Variants in LUZP1 observed in about 807,000 individuals in gnomAD.
LUZP1 encodes the protein leucine zipper protein 1, also known as filamin mechanobinding actin cross-linking protein.
Under a neutral mutation model 71.3 loss-of-function variants are expected in LUZP1, and 25 were observed. The observed-to-expected ratio is 0.35, with a 90% CI of 0.26 to 0.49. LUZP1 has a LOEUF of 0.49. Ranked by LOEUF, LUZP1 falls within the 20% of genes least tolerant of loss-of-function variation. LUZP1 has a pLI of 0.99. For synonymous variants in LUZP1, 481 were observed against 506.4 expected (o/e 0.95, Z 0.67); for missense variants, 1,142 against 1,300.8 (o/e 0.88, Z 1.88).
chr1:23,123,713 G>A (rs1185603232), intron 2 of LUZP1, among the ~76,000 whole-genome samples: 1 of 152,044 alleles, frequency 6.6e-6, no homozygotes, highest in Non-Finnish European at 1.5e-5. Flanking sequence ...CTGCTCTCAG[G>A]CCCTGAGGTA....
rs1643883018 is a variant in LUZP1, at chr1:23,094,560, T to C, written c.-119-180A>G. ...AAACACTGGTTCTTTATGGCCGATATTGAGTTGATACCTCATTTCGCCCTA... is the reference window on the plus strand; with the variant it reads ...AAACACTGGTTCTTTATGGCCGATACTGAGTTGATACCTCATTTCGCCCTA... On this transcript the variant is annotated intron_variant, in intron 3 of 4. Coordinates refer to ENST00000302291, the Ensembl canonical transcript of LUZP1. The surrounding 1 kb of genome is among the most constrained non-coding windows in gnomAD (Gnocchi z 4.7). 1.3e-5 allele frequency among the ~76,000 whole-genome samples: 2 copies of C among 152,218 alleles called. No individual in the cohort carries two copies. The highest frequency in any genetic ancestry group is 2.4e-5 in the African/African-American group (1 of 41,442).
At chr1:23,109,969 G>A (rs1042829419) in intron 2 of LUZP1, among the ~76,000 whole-genome samples, 3 of 152,116 alleles carry the variant, frequency 2.0e-5, no homozygotes, top group African/African-American at 7.2e-5. Flanking sequence ...AAACATCTGC[G>A]GAGTATTTAC....
Position 23,093,895 on chromosome 1 carries a change from G to A in LUZP1, c.367C>T (p.Leu123=). The change falls in exon 4 of 5, where the codon CTA becomes TTA. Residue 123 remains leucine, a synonymous_variant. Transcript: ENST00000302291. This position sits in a 1 kb window ranked among gnomAD's most constrained non-coding sequence, Gnocchi z 4.2. ...TTACTCCTGCTGAAGGCCTCTTCTA[G>A]CTTCTCTAATTCAGCCATTCGTTTC... 6.2e-7 allele frequency: 1 copy of A among 1,614,108 alleles called. No individual in the cohort carries two copies. The highest frequency in any genetic ancestry group is 8.5e-7 in the Non-Finnish European group (1 of 1,180,026).
At chr1:23,108,012 T>C (rs1313579456) in intron 3 of LUZP1, among the ~76,000 whole-genome samples, 1 of 152,164 alleles carries the variant, frequency 6.6e-6, no homozygotes, top group Non-Finnish European at 1.5e-5. Context: ...ACCCTATTGC[T>C]CTACTTTCCT....
In LUZP1 at chr1:23,161,510, A is replaced by G. The variant is rs1400553115; in HGVS notation, c.-226+7256T>C. On this transcript the variant is annotated intron_variant, in intron 2 of 4. Transcript: ENST00000302291. The stretch of plus-strand genomic sequence containing the variant: ...GCCAGTGGCTCATGCCTGTAATCTC[A>G]GCTACTCTGGAGGCCAAAGGACAGC... Among the ~76,000 whole-genome samples the G allele has an allele frequency of 2.0e-5, 3 of 152,226 alleles. No individual in the cohort carries two copies. In the East Asian group the frequency reaches 5.8e-4, roughly 29 times the overall value.
At chr1:23,100,271 T>C (rs528850995) in intron 3 of LUZP1, among the ~76,000 whole-genome samples, 3 of 152,346 alleles carry the variant, frequency 2.0e-5, no homozygotes, top group Admixed American at 2.0e-4. Flanking sequence ...CCTTTGGCAA[T>C]GACCATTAAC....
At chr1:23,147,080 G>A (rs1044344017) in intron 2 of LUZP1, among the ~76,000 whole-genome samples, 40 of 149,136 alleles carry the variant, frequency 2.7e-4, no homozygotes, top group Admixed American at 1.3e-3. Flanking sequence ...CTGGGTGACA[G>A]AGTGAGACTC....
exon 4 of LUZP1, chr1:23,091,410 G>A: frequency 1.9e-6 from 3 of 1,614,154 alleles, no homozygotes; most frequent in Non-Finnish European, 2.5e-6. Context: ...CTGGGTGTAG[G>A]CATTGCTATT....
exon 4 of LUZP1, chr1:23,091,361 C>A: frequency 6.2e-7 from 1 of 1,614,114 alleles, no homozygotes; most frequent in East Asian, 2.2e-5. Flanking sequence ...AAAGGCAGGA[C>A]CTGGGCTGTT....
intron 2 of LUZP1, among the ~76,000 whole-genome samples, chr1:23,142,692 TATATATATACACACACAC>T (rs1189259035): frequency 1.2e-4 from 10 of 80,104 alleles, no homozygotes; most frequent in Admixed American, 2.7e-4. Flanking sequence ...ATAAAATATA[TATATATATACACACACAC>T]ACACACACAC....
chr1:23,159,122 C>T (rs1261324104), intron 2 of LUZP1, among the ~76,000 whole-genome samples: 1 of 151,952 alleles, frequency 6.6e-6, no homozygotes, highest in African/African-American at 2.4e-5. Context: ...GGGCGGATCA[C>T]GAGGTCAGGA....
At chr1:23,123,297 G>T (rs927343560) in intron 2 of LUZP1, among the ~76,000 whole-genome samples, 2 of 152,042 alleles carry the variant, frequency 1.3e-5, no homozygotes, top group Admixed American at 6.6e-5. Context: ...TTCGAGATCA[G>T]CCTGACCAAC....
rs553106496 is a variant in LUZP1 at position 23,173,522 on chromosome 1, T to C, written c.-485+3969A>G. ...GTGCCTGCCAACAAGCCCAGCTAAT[T>C]TTTTTTGTATTTTTGGTAGAGATGG... is the stretch of plus-strand genomic sequence containing the variant. On this transcript the variant is annotated intron_variant, in intron 1 of 4. Coordinates refer to ENST00000302291, the Ensembl canonical transcript of LUZP1. Among the ~76,000 whole-genome samples, 520 of 151,614 alleles carry C rather than the reference T, an allele frequency of 3.4e-3. 4 individuals are homozygous for C. The highest frequency in any genetic ancestry group is 5.7e-3 in the Non-Finnish European group (384 of 67,828).
rs56919514 is a variant in LUZP1, at chr1:23,158,647, CAAAAAAAAAAA to C, written c.-226+10108_-226+10118del. Among the ~76,000 whole-genome samples the C allele has an allele frequency of 1.3e-3, 78 of 59,934 alleles. 1 individual carries two copies. Among genetic ancestry groups the C allele is most frequent in the African/African-American group, 3.5e-3 (63 of 18,222 alleles). The allele number at this position is 59,934 out of a possible 152,430, so 39.3% of individuals were successfully genotyped here. A position where few individuals can be genotyped will look rare whatever the true frequency, so the allele number is the denominator to read the frequency against. Reference sequence around the variant, plus strand: ...GAGTGGCAAGAGCAAGACTCTGTCTCAAAAAAAAAAAAAAAAAAAAAAAAAAAAAAGGGTTG... The same window carrying C: ...GAGTGGCAAGAGCAAGACTCTGTCTCAAAAAAAAAAAAAAAAAAAGGGTTG... On this transcript the variant is annotated intron_variant, in intron 2 of 4. Transcript: ENST00000302291.
At chr1:23,131,934 C>A (rs1644218971) in intron 2 of LUZP1, among the ~76,000 whole-genome samples, 1 of 152,182 alleles carries the variant, frequency 6.6e-6, no homozygotes, top group South Asian at 2.1e-4. Context: ...GATTCACCTA[C>A]CTCGGCCTCC....
chr1:23,088,713 T>C (rs1197839081), exon 5 of LUZP1: 9 of 692,306 alleles, frequency 1.3e-5, no homozygotes, highest in Non-Finnish European at 1.9e-5. Flanking sequence ...GTCCAGCTTG[T>C]AGTCTCTGAT....
intron 3 of LUZP1, among the ~76,000 whole-genome samples, chr1:23,104,648 T>C (rs1019820025): frequency 6.6e-6 from 1 of 152,206 alleles, no homozygotes; most frequent in Non-Finnish European, 1.5e-5. Context: ...GCAGGGACTG[T>C]GTTATCTTCA....
rs975603323 is a variant in LUZP1, at chr1:23,094,836, ATT to A, written c.-119-458_-119-457del. On this transcript the variant is annotated intron_variant, in intron 3 of 4. Transcript: ENST00000302291. The surrounding 1 kb of genome is among the most constrained non-coding windows in gnomAD (Gnocchi z 4.7). ...TAACAAAGCAATAAACAATCCTAAG[ATT>A]TTTTTTTTTAAAGATTATCTCTTAT... Among the ~76,000 whole-genome samples, 1 of 149,144 alleles carries A rather than the reference ATT, an allele frequency of 6.7e-6. No homozygotes were observed.
chr1:23,092,742 G>A, exon 4 of LUZP1: 1 of 1,613,932 alleles, frequency 6.2e-7, no homozygotes, highest in Non-Finnish European at 8.5e-7. Context: ...CGTTCGTGTT[G>A]TCTTCTCCAC....
Sources: allele counts gnomAD v4.1 joint callset (sites outside exome capture counted in the v4.1 genomes callset), GRCh38; gene constraint gnomAD v4.1.1; non-coding constraint Gnocchi (gnomAD v3.1); transcripts MANE v1.5; gene names NCBI Gene and HGNC (gene_info 2026-07-23, HGNC 2026-07-21).